Variants in C1orf21 observed in about 807,000 individuals in gnomAD.
The protein encoded by C1orf21 is uncharacterized protein C1orf21.
Under a neutral mutation model 18.7 loss-of-function variants are expected in C1orf21, and 3 were observed. That is an observed-to-expected ratio of 0.16 (90% CI 0.07 to 0.42). The LOEUF is 0.42. Ranked by LOEUF, C1orf21 falls within the 10% of genes least tolerant of loss-of-function variation. C1orf21 has a pLI of 0.99. For missense variants in C1orf21, 104 were observed against 143.6 expected, an observed-to-expected ratio of 0.72 and a Z score of 1.41; for synonymous variants, 41 against 46.4, an observed-to-expected ratio of 0.88 and a Z score of 0.47.
chr1:184,483,632 CT>C (rs1657688709), intron 2 of C1orf21, among the ~76,000 whole-genome samples: 1 of 152,164 alleles, frequency 6.6e-6, no homozygotes, highest in Non-Finnish European at 1.5e-5. Flanking sequence ...GTAGTTTAGG[CT>C]GTGACAGCCC....
intron 1 of C1orf21, among the ~76,000 whole-genome samples, chr1:184,427,492 T>A (rs930143978): frequency 3.9e-5 from 6 of 152,030 alleles, no homozygotes; most frequent in African/African-American, 1.4e-4. Context: ...AGTGAGACAG[T>A]TAGGGGTAGG....
intron 1 of C1orf21, among the ~76,000 whole-genome samples, chr1:184,438,192 A>T (rs1175588574): frequency 2.0e-5 from 3 of 152,226 alleles, no homozygotes; most frequent in African/African-American, 7.2e-5. Context: ...AGGAACTCTC[A>T]AAAACAGACT....
At chr1:184,497,321 A>G (rs1657907497) in intron 2 of C1orf21, among the ~76,000 whole-genome samples, 1 of 152,244 alleles carries the variant, frequency 6.6e-6, no homozygotes, top group South Asian at 2.1e-4. Flanking sequence ...TGTTGTTGTC[A>G]GAACACACTT....
At chr1:184,498,082 G>C (rs1206440025) in intron 2 of C1orf21, among the ~76,000 whole-genome samples, 1 of 151,982 alleles carries the variant, frequency 6.6e-6, no homozygotes, top group South Asian at 2.1e-4. Context: ...TGCTCTTTCC[G>C]ATGTCAATCC....
rs61823507 is a variant in C1orf21 at position 184,418,328 on chromosome 1, C to T, written c.-125+30960C>T. Among the ~76,000 whole-genome samples, 800 of 152,224 alleles carry T rather than the reference C, an allele frequency of 5.3e-3. 5 individuals carry two copies. Among genetic ancestry groups the T allele is most frequent in the Non-Finnish European group, 7.5e-3 (512 of 68,016 alleles). ...TTGCCTCCTGGGCTCAGGTGATCTT[C>T]CCACCTCAGCCTCCCAAATAGCTGG... On this transcript the variant is annotated intron_variant, in intron 1 of 5. Transcript: ENST00000235307.
In C1orf21 at chr1:184,625,254, C is replaced by T. The variant is rs1659989488; in HGVS notation, c.*5698C>T. The T allele has an allele frequency of 6.6e-6, 1 of 152,346 alleles. No homozygotes were observed. Among genetic ancestry groups the T allele is most frequent in the Admixed American group, 6.5e-5 (1 of 15,278 alleles). The allele number at this position is 152,346 out of a possible 1,614,324, so 9.4% of individuals were successfully genotyped here. Reference sequence around the variant, plus strand: ...GAACACCATAAACTTAGGCAGAGGTCCCTTAGGGTCTCTAGAGTTGAAAAT... The same window carrying T: ...GAACACCATAAACTTAGGCAGAGGTTCCTTAGGGTCTCTAGAGTTGAAAAT... On this transcript the variant is annotated 3_prime_UTR_variant, in exon 6 of 6. Coordinates refer to ENST00000235307, the MANE Select transcript of C1orf21 (RefSeq NM_030806.4).
At chr1:184,474,720 C>G (rs1367613891) in intron 1 of C1orf21, among the ~76,000 whole-genome samples, 1 of 152,184 alleles carries the variant, frequency 6.6e-6, no homozygotes, top group Non-Finnish European at 1.5e-5. Context: ...ATTGCCCCCT[C>G]TCTCCTGTTT....
In C1orf21 at chr1:184,618,176, C is replaced by T. The variant is rs775450464; in HGVS notation, c.328-1342C>T. On this transcript the variant is annotated intron_variant, in intron 5 of 5. Transcript: ENST00000235307. ...CCACCTGCCTCGGCCTCCCAAAGTG[C>T]GGGATTACAGGCGTGAGCCACCGTG... Among the ~76,000 whole-genome samples, 4 of 151,966 alleles carry T rather than the reference C, an allele frequency of 2.6e-5. 1 individual carries two copies. The highest frequency in any genetic ancestry group is 1.3e-4 in the Admixed American group (2 of 15,262).
At chr1:184,616,751 G>T (rs958001152) in intron 5 of C1orf21, among the ~76,000 whole-genome samples, 1 of 145,590 alleles carries the variant, frequency 6.9e-6, no homozygotes, top group African/African-American at 2.6e-5. Flanking sequence ...GTGTGTATCT[G>T]TCTGCCATTC....
intron 3 of C1orf21, among the ~76,000 whole-genome samples, chr1:184,549,648 A>G (rs959668596): frequency 2.6e-5 from 4 of 151,676 alleles, no homozygotes; most frequent in African/African-American, 9.7e-5. Context: ...GTGATGTGTA[A>G]AAATTCAGGA....
chr1:184,585,580 A>G (rs1025130573), intron 3 of C1orf21, among the ~76,000 whole-genome samples: 1 of 152,086 alleles, frequency 6.6e-6, no homozygotes, highest in African/African-American at 2.4e-5. Context: ...TATTAAGGCT[A>G]ATACCCATCA....
chr1:184,619,415 T>A, intron 5 of C1orf21, 103 bp from the exon 6 acceptor site: 1 of 1,262,398 alleles, frequency 7.9e-7, no homozygotes, highest in Non-Finnish European at 1.1e-6. Flanking sequence ...CTGGATTCTG[T>A]TGCAAGGAGA....
At chr1:184,548,236 C>T (rs1028412487) in intron 3 of C1orf21, among the ~76,000 whole-genome samples, 7 of 151,550 alleles carry the variant, frequency 4.6e-5, no homozygotes, top group African/African-American at 1.7e-4. Flanking sequence ...CACACACACA[C>T]ACACACACAC....
chr1:184,497,910 A>G (rs1019388252), intron 2 of C1orf21, among the ~76,000 whole-genome samples: 7 of 152,130 alleles, frequency 4.6e-5, no homozygotes, highest in Non-Finnish European at 2.9e-5. Flanking sequence ...CTGCCCCTCC[A>G]AGAATCTATA....
chr1:184,620,140 A>G lies in C1orf21; in HGVS notation c.*584A>G, dbSNP rs1447332738. ...TATTATCAATTAAAAGCATGCTGTG[A>G]TGTGACTCCTGGAAGTGACGTAGGA... On this transcript the variant is annotated 3_prime_UTR_variant, in exon 6 of 6. Transcript: ENST00000235307. 1 of 152,650 alleles carries G rather than the reference A, an allele frequency of 6.6e-6. No individual in the cohort carries two copies. Among genetic ancestry groups the G allele is most frequent in the Non-Finnish European group, 1.5e-5 (1 of 68,088 alleles). The allele number at this position is 152,650 out of a possible 1,614,324, so 9.5% of individuals were successfully genotyped here.
Position 184,573,536 on chromosome 1 carries a change from C to T in C1orf21, c.190-17203C>T, listed in dbSNP as rs74655896. Among the ~76,000 whole-genome samples the T allele has an allele frequency of 2.0e-5, 3 of 152,148 alleles. No individual in the cohort carries two copies. In the East Asian group the frequency reaches 5.8e-4, roughly 29 times the overall value. On this transcript the variant is annotated intron_variant, in intron 3 of 5. Coordinates refer to ENST00000235307, the MANE Select transcript of C1orf21 (RefSeq NM_030806.4). ...TTCTGTTTAGAAATAACTCCAAAAA[C>T]GGTTTGTATATTTTATTTTCACATT...
Position 184,500,772 on chromosome 1 carries a change from G to C in C1orf21, c.95-6816G>C, listed in dbSNP as rs116002932. Among the ~76,000 whole-genome samples, 402 of 152,260 alleles carry C rather than the reference G, an allele frequency of 2.6e-3. 1 individual carries two copies. The highest frequency in any genetic ancestry group is 9.2e-3 in the African/African-American group (382 of 41,564). On this transcript the variant is annotated intron_variant, in intron 2 of 5. Coordinates refer to ENST00000235307, the MANE Select transcript of C1orf21 (RefSeq NM_030806.4). ...TCAGTGGCATTCTCTTTTTCCCCTA[G>C]GATAAGTCATGACTGCTCCTCATTC...
At chr1:184,442,795 A>G (rs961731624) in intron 1 of C1orf21, among the ~76,000 whole-genome samples, 1 of 152,136 alleles carries the variant, frequency 6.6e-6, no homozygotes, top group Non-Finnish European at 1.5e-5. Flanking sequence ...AAAACTATTT[A>G]TATATATAAA....
In C1orf21 at chr1:184,410,656, TATA is replaced by T. The variant is rs1315068534; in HGVS notation, c.-125+23289_-125+23291del. 6.0e-3 allele frequency among the ~76,000 whole-genome samples: 46 copies of T among 7,614 alleles called. 2 individuals are homozygous for T. Among genetic ancestry groups the T allele is most frequent in the Non-Finnish European group, 7.9e-3 (41 of 5,218 alleles). 5.0% of individuals were successfully genotyped at this position (7,614 alleles called of 152,430 possible). ...ATATATATATATATATATATATATA[TATA>T]TATATTTTTTTTTTTTTTTTTTGAG... On this transcript the variant is annotated intron_variant, in intron 1 of 5. Transcript: ENST00000235307.
Sources: gnomAD v4.1 joint callset for allele counts (sites outside exome capture counted in the v4.1 genomes callset) on GRCh38, gnomAD v4.1.1 for gene constraint, MANE v1.5 for transcripts, NCBI Gene and HGNC (gene_info 2026-07-23, HGNC 2026-07-21) for gene names.